DEPDC4: variants seen among roughly 807,000 people sequenced by gnomAD.
DEPDC4 encodes the protein DEP domain containing 4.
DEPDC4 carries 52 observed loss-of-function variants against 52.0 expected under a neutral mutation model. The observed-to-expected ratio is 1.00, with a 90% CI of 0.80 to 1.26. The LOEUF (loss-of-function observed/expected upper bound fraction) is 1.26, where lower values mean the gene tolerates loss of function less well. DEPDC4 is among the 50% of genes most tolerant of loss of function. The pLI, the probability that DEPDC4 is intolerant of heterozygous loss-of-function variation, is 0.00. For missense variants in DEPDC4, 530 were observed against 546.9 expected (o/e 0.97, Z 0.31); for synonymous variants, 201 against 196.8 (o/e 1.02, Z -0.18).
chr12:100,269,653 G>A (rs1355049718), upstream of DEPDC4, among the ~76,000 whole-genome samples: 1 of 152,162 alleles, frequency 6.6e-6, no homozygotes, highest in African/African-American at 2.4e-5. Context: ...AATAGTGTTA[G>A]GGTGGGTAGT....
chr12:100,247,208 T>G lies in DEPDC4; in HGVS notation c.1453+1692A>C, dbSNP rs975720183. Among the ~76,000 whole-genome samples the G allele has an allele frequency of 4.8e-4, 64 of 132,690 alleles. 2 individuals carry two copies. Among genetic ancestry groups the G allele is most frequent in the African/African-American group, 1.0e-3 (35 of 34,262 alleles). The allele number at this position is 132,690 out of a possible 152,430, so 87.0% of individuals were successfully genotyped here. ...TTATAATCTCCCCTTAGTGTTTTTT[T>G]TTTTTTTTTTTTTTTTTTGAGACAG... On this transcript the variant is annotated intron_variant, in intron 8 of 9. Coordinates refer to ENST00000550587, the MANE Select transcript of DEPDC4 (RefSeq NM_001364818.2).
chr12:100,235,210 T>G (rs951209710), downstream of DEPDC4, among the ~76,000 whole-genome samples: 1 of 152,136 alleles, frequency 6.6e-6, no homozygotes, highest in African/African-American at 2.4e-5. Flanking sequence ...CAACTCTGAC[T>G]TCTGGTAATT....
chr12:100,275,383 T>C, the DEPDC4 span, among the ~76,000 whole-genome samples: 1 of 152,062 alleles, frequency 6.6e-6, no homozygotes, highest in South Asian at 2.1e-4. Flanking sequence ...TAAAAACTTT[T>C]TGGAGTCTTG....
chr12:100,271,600 A>T (rs1188693276), upstream of DEPDC4, among the ~76,000 whole-genome samples: 6 of 152,188 alleles, frequency 3.9e-5, no homozygotes, highest in Admixed American at 2.6e-4. Context: ...CTTTGTAGTC[A>T]GTGTCTATTA....
chr12:100,275,726 G>A, the DEPDC4 span, among the ~76,000 whole-genome samples: 2 of 152,110 alleles, frequency 1.3e-5, no homozygotes, highest in Non-Finnish European at 2.9e-5. Flanking sequence ...GAATAGAAGT[G>A]GTAAAAGTGG....
At chr12:100,250,649 G>C (rs913490489) in intron 7 of DEPDC4, among the ~76,000 whole-genome samples, 1 of 152,114 alleles carries the variant, frequency 6.6e-6, no homozygotes, top group African/African-American at 2.4e-5. Context: ...GTAGAGGAGG[G>C]GGTAGAGTGA....
intron 3 of DEPDC4, among the ~76,000 whole-genome samples, chr12:100,256,806 T>TA (rs1243093602): frequency 6.6e-6 from 1 of 151,960 alleles, no homozygotes; most frequent in African/African-American, 2.4e-5. Flanking sequence ...CATGCCCGGC[T>TA]AATTTTTCGT....
intron 7 of DEPDC4, among the ~76,000 whole-genome samples, chr12:100,251,306 G>GA (rs1385674248): frequency 6.6e-6 from 1 of 152,056 alleles, no homozygotes; most frequent in Non-Finnish European, 1.5e-5. Context: ...TAACACCATT[G>GA]AAAGTATTCA....
At chr12:100,273,167 A>T in the DEPDC4 span, among the ~76,000 whole-genome samples, 3 of 151,844 alleles carry the variant, frequency 2.0e-5, no homozygotes. Context: ...CTTACTACTC[A>T]ATGTCCTTGG....
rs1007019402 is a variant in DEPDC4, at chr12:100,259,047, G to T, written c.701-2821C>A. 3.4e-5 allele frequency among the ~76,000 whole-genome samples: 5 copies of T among 149,248 alleles called. No homozygotes were observed. The Admixed American group carries it at 3.4e-4, about 10-fold the overall frequency. On this transcript the variant is annotated intron_variant, in intron 3 of 9. Transcript: ENST00000550587. The stretch of plus-strand genomic sequence containing the variant: ...GATCGCACCACTGCACTCCAGCCTG[G>T]GCGACAGGGCAAAAATCTGTCTCAA...
At chr12:100,258,222 G>A (rs2096241809) in intron 3 of DEPDC4, among the ~76,000 whole-genome samples, 1 of 152,086 alleles carries the variant, frequency 6.6e-6, no homozygotes, top group African/African-American at 2.4e-5. Context: ...AAGAAAAAAA[G>A]GAAAAGTGTT....
chr12:100,240,214 G>C lies in DEPDC4; in HGVS notation c.*1678C>G, dbSNP rs1041903781. Among the ~76,000 whole-genome samples, 3 of 150,826 alleles carry C rather than the reference G, an allele frequency of 2.0e-5. No individual in the cohort carries two copies. The highest frequency in any genetic ancestry group is 2.0e-4 in the Admixed American group (3 of 15,138). ...TTATTGCCCAGGCTGCAGTACAGTG[G>C]TGCAATCATAGCTCACTGCAGCCTA... On this transcript the variant is annotated 3_prime_UTR_variant, in exon 10 of 10. Transcript: ENST00000550587.
the DEPDC4 span, among the ~76,000 whole-genome samples, chr12:100,281,032 T>TG: frequency 8.9e-5 from 12 of 134,518 alleles, 1 homozygote; most frequent in South Asian, 2.8e-3. Flanking sequence ...TTTTTTTTTT[T>TG]TTTTTTTTTT....
downstream of DEPDC4, chr12:100,237,667 C>A (rs896611772): frequency 1.3e-5 from 2 of 152,076 alleles, no homozygotes; most frequent in African/African-American, 4.8e-5. Context: ...TGTTATCCAT[C>A]GAAGAGTTGG....
At chr12:100,233,688 C>T (rs952874528) in intron 9 of DEPDC4, among the ~76,000 whole-genome samples, 1 of 152,130 alleles carries the variant, frequency 6.6e-6, no homozygotes, top group Non-Finnish European at 1.5e-5. Flanking sequence ...GAGGCTTCAG[C>T]CCCAACTTTT....
In DEPDC4 at chr12:100,256,033, A is replaced by G; in HGVS notation, c.878+16T>C. On this transcript the variant is annotated intron_variant, in intron 4 of 9. Transcript: ENST00000550587. ...AACTGTTTACAAATTATTTGACAATAAAAATGGTCACTTACTCAGGTAGAC... is the reference window on the plus strand; with the variant it reads ...AACTGTTTACAAATTATTTGACAATGAAAATGGTCACTTACTCAGGTAGAC... 1 of 1,558,826 alleles carries G rather than the reference A, an allele frequency of 6.4e-7. No homozygotes were observed. Among genetic ancestry groups the G allele is most frequent in the Non-Finnish European group, 8.7e-7 (1 of 1,150,964 alleles).
At position 100,256,126 on chromosome 12, in the gene DEPDC4, T is replaced by C. The variant is rs1356505957; in HGVS notation, c.801A>G (p.Gln267=). Residue 267 remains glutamine (Q), a synonymous_variant, in exon 4 of 10, where the codon CAA becomes CAG. Coordinates refer to ENST00000550587, the MANE Select transcript of DEPDC4 (RefSeq NM_001364818.2). The part of the protein sequence containing the change: ...LEPPVKTQNL[Q]LNKEEDLVIT... ...TAACAAGATCTTCCTCTTTGTTTAG[T>C]TGAAGATTTTGTGTTTTAACTGGAG... is the stretch of plus-strand genomic sequence containing the variant. 4.3e-6 allele frequency: 7 copies of C among 1,612,966 alleles called. No individual in the cohort carries two copies. Among genetic ancestry groups the C allele is most frequent in the African/African-American group, 1.3e-5 (1 of 74,894 alleles).
chr12:100,252,304 G>A lies in DEPDC4; in HGVS notation c.1249-3C>T, dbSNP rs2096211153. On this transcript the variant is annotated splice_region_variant and splice_polypyrimidine_tract_variant and intron_variant, in intron 6 of 9. Coordinates refer to ENST00000550587, the MANE Select transcript of DEPDC4 (RefSeq NM_001364818.2). ...AGGACCACTGTTTTATTATCATACT[G>A]TAAACAGAAAGATTAACATTAGCAT... 3 of 1,477,204 alleles carry A rather than the reference G, an allele frequency of 2.0e-6. No individual in the cohort carries two copies. In the African/African-American group the frequency reaches 4.3e-5, roughly 21 times the overall value. The allele number at this position is 1,477,204 out of a possible 1,614,324, so 91.5% of individuals were successfully genotyped here. A position where few individuals can be genotyped will look rare whatever the true frequency, so the allele number is the denominator to read the frequency against.
intron 8 of DEPDC4, among the ~76,000 whole-genome samples, chr12:100,244,099 A>ATATATATATATATATATATATG (rs2096173475): frequency 2.2e-5 from 1 of 46,386 alleles, no homozygotes; most frequent in African/African-American, 1.6e-4. Flanking sequence ...CTCTGTGTAT[A>ATATATATATATATATATATATG]TATATATATA....
Sources: allele counts gnomAD v4.1 joint callset (sites outside exome capture counted in the v4.1 genomes callset), GRCh38; gene constraint gnomAD v4.1.1; transcripts MANE v1.5; gene names NCBI Gene and HGNC (gene_info 2026-07-23, HGNC 2026-07-21).